The following COL25A1 variants were observed in gnomAD, a reference collection of about 807,000 sequenced individuals.
COL25A1 encodes collagen type XXV alpha 1 chain, also known as collagen alpha-1(XXV) chain.
A neutral mutation model predicts 128.4 loss-of-function variants in COL25A1; 103 were observed. That is an observed-to-expected ratio of 0.80 (90% CI 0.68 to 0.94). COL25A1 has a LOEUF of 0.94. COL25A1 is among the 40% of genes least tolerant of loss of function. The pLI is 0.00. For synonymous variants in COL25A1, 279 were observed against 277.2 expected (o/e 1.01, Z -0.06); for missense variants, 745 against 840.0 (o/e 0.89, Z 1.40).
At chr4:108,870,313 A>G (rs1176934848) in intron 19 of COL25A1, among the ~76,000 whole-genome samples, 1 of 152,132 alleles carries the variant, frequency 6.6e-6, no homozygotes, top group Non-Finnish European at 1.5e-5. Flanking sequence ...CACAGAAGTC[A>G]ATTTTTTTAA....
intron 3 of COL25A1, among the ~76,000 whole-genome samples, chr4:109,061,383 T>C (rs929691608): frequency 1.3e-5 from 2 of 152,232 alleles, no homozygotes; most frequent in Admixed American, 6.5e-5. Flanking sequence ...TAAGTAAAAG[T>C]ACAAAATTCT....
At chr4:109,221,723 T>C (rs1778424905) in intron 3 of COL25A1, among the ~76,000 whole-genome samples, 1 of 152,218 alleles carries the variant, frequency 6.6e-6, no homozygotes, top group South Asian at 2.1e-4. Flanking sequence ...TTCTGTGTTA[T>C]GGGCTCTTAA....
In COL25A1 at chr4:108,840,242, C is replaced by CAAA. The variant is rs34039825; in HGVS notation, c.1656+1450_1656+1452dup. ...GGGAAACAAGAGCGAAACGCCATCT[C>CAAA]AAAAAAAAAAAAAAAAAAAATCCAT... On this transcript the variant is annotated intron_variant, in intron 31 of 37. Transcript: ENST00000399132. 4.3e-3 allele frequency among the ~76,000 whole-genome samples: 407 copies of CAAA among 95,292 alleles called. 4 individuals carry two copies. Among genetic ancestry groups the CAAA allele is most frequent in the African/African-American group, 0.012 (276 of 23,428 alleles). The allele number at this position is 95,292 out of a possible 152,430, so 62.5% of individuals were successfully genotyped here.
Position 108,812,205 on chromosome 4 carries a change from A to G in COL25A1, c.*1722T>C, listed in dbSNP as rs1364660068. The stretch of plus-strand genomic sequence containing the variant: ...AAGTTTGAGCAAGTAGATGAAAAAT[A>G]TTTTCTTTATGGCAACTATATTTCA... On this transcript the variant is annotated 3_prime_UTR_variant, in exon 38 of 38. Transcript: ENST00000399132. 1 of 152,108 alleles carries G rather than the reference A, an allele frequency of 6.6e-6. No homozygotes were observed. Among genetic ancestry groups the G allele is most frequent in the Non-Finnish European group, 1.5e-5 (1 of 68,018 alleles). The allele number at this position is 152,108 out of a possible 1,614,324, so 9.4% of individuals were successfully genotyped here. A position where few individuals can be genotyped will look rare whatever the true frequency, so the allele number is the denominator to read the frequency against.
intron 14 of COL25A1, 49 bp from the exon 15 acceptor site, chr4:108,899,229 AT>A: frequency 6.6e-7 from 1 of 1,517,912 alleles, no homozygotes. Context: ...AAAACACCTA[AT>A]TTTATTATCA....
chr4:109,064,532 T>A (rs1407821492), intron 3 of COL25A1, among the ~76,000 whole-genome samples: 3 of 152,176 alleles, frequency 2.0e-5, no homozygotes, highest in Non-Finnish European at 4.4e-5. Flanking sequence ...ATCTGTGAAA[T>A]CCATTCCAAT....
rs1734857416 is a variant in COL25A1 at position 108,844,552 on chromosome 4, G to A, written c.1596C>T (p.Gly532=). 3 of 1,613,422 alleles carry A rather than the reference G, an allele frequency of 1.9e-6. No homozygotes were observed. The highest frequency in any genetic ancestry group is 1.7e-5 in the Admixed American group (1 of 59,902). The change falls in exon 30 of 38, where the codon GGC becomes GGT. Residue 532 remains glycine, a synonymous_variant. Coordinates refer to ENST00000399132, the MANE Select transcript of COL25A1 (RefSeq NM_198721.4). Reference sequence around the variant, plus strand: ...CAGGTGGGCCATGGGGACCTGGTGGGCCTGGTGGGCCTATGATCTGTATGT... The same window carrying A: ...CAGGTGGGCCATGGGGACCTGGTGGACCTGGTGGGCCTATGATCTGTATGT... ...PQGPSIIGPP[G]PPGPHGPPGP...
At chr4:108,941,066 C>A (rs1181198118) in intron 9 of COL25A1, among the ~76,000 whole-genome samples, 1 of 152,058 alleles carries the variant, frequency 6.6e-6, no homozygotes, top group African/African-American at 2.4e-5. Flanking sequence ...ATCATATTGC[C>A]TAATAATTTA....
intron 6 of COL25A1, among the ~76,000 whole-genome samples, chr4:108,990,226 AAAAAAAAAAAAAAATAT>A (rs1352835424): frequency 5.7e-5 from 4 of 70,518 alleles, no homozygotes; most frequent in East Asian, 1.1e-3. Flanking sequence ...AAAAAAAAAA[AAAAAAAAAAAAAAATAT>A]ATATATATAT....
chr4:109,058,899 A>G (rs1246358778), intron 3 of COL25A1, among the ~76,000 whole-genome samples: 1 of 152,236 alleles, frequency 6.6e-6, no homozygotes, highest in African/African-American at 2.4e-5. Context: ...AGTGATGGAA[A>G]ATGAATAAAC....
At chr4:109,061,260 T>TC (rs2125965252) in intron 3 of COL25A1, among the ~76,000 whole-genome samples, 1 of 152,318 alleles carries the variant, frequency 6.6e-6, no homozygotes. Flanking sequence ...GGCTCATTTT[T>TC]CTCCTCTAGT....
At chr4:109,173,192 C>A (rs1051402504) in intron 3 of COL25A1, among the ~76,000 whole-genome samples, 12 of 151,964 alleles carry the variant, frequency 7.9e-5, no homozygotes, top group Non-Finnish European at 4.4e-5. Context: ...CTCACGTGAT[C>A]CTCCCCTTTC....
At chr4:108,845,856 A>C (rs1432159643) in intron 28 of COL25A1, among the ~76,000 whole-genome samples, 1 of 152,148 alleles carries the variant, frequency 6.6e-6, no homozygotes, top group Non-Finnish European at 1.5e-5. Flanking sequence ...CATCTTATGC[A>C]TACTAAATTA....
intron 20 of COL25A1, among the ~76,000 whole-genome samples, chr4:108,868,567 AAGAG>A (rs749346428): frequency 6.7e-6 from 1 of 150,186 alleles, no homozygotes; most frequent in African/African-American, 2.5e-5. Flanking sequence ...AAGAAAGAGA[AAGAG>A]AGAGAGAAAG....
chr4:109,127,155 A>G (rs939381771), intron 3 of COL25A1, among the ~76,000 whole-genome samples: 4 of 152,216 alleles, frequency 2.6e-5, no homozygotes, highest in Non-Finnish European at 4.4e-5. Context: ...CTGGCACAGT[A>G]TATTATTTCT....
chr4:109,036,125 C>T (rs1434761612), intron 5 of COL25A1, among the ~76,000 whole-genome samples: 1 of 151,946 alleles, frequency 6.6e-6, no homozygotes, highest in African/African-American at 2.4e-5. Context: ...GACAGGGTTT[C>T]ACTGTGCTAG....
chr4:109,038,489 T>C (rs972790519), intron 5 of COL25A1, among the ~76,000 whole-genome samples: 1 of 152,162 alleles, frequency 6.6e-6, no homozygotes, highest in Non-Finnish European at 1.5e-5. Flanking sequence ...TCTGTTTCTC[T>C]GGAGCACCCT....
intron 19 of COL25A1, among the ~76,000 whole-genome samples, chr4:108,878,237 A>T (rs998839854): frequency 6.6e-6 from 1 of 152,136 alleles, no homozygotes; most frequent in Non-Finnish European, 1.5e-5. Flanking sequence ...ATTACTTTTT[A>T]ACCCCTCTAA....
intron 5 of COL25A1, among the ~76,000 whole-genome samples, chr4:109,010,969 T>C (rs1756527932): frequency 6.6e-6 from 1 of 152,238 alleles, no homozygotes; most frequent in Non-Finnish European, 1.5e-5. Context: ...GGATCATGCA[T>C]CCTAACTCTT....
Sources: gnomAD v4.1 joint callset for allele counts (sites outside exome capture counted in the v4.1 genomes callset) on GRCh38, gnomAD v4.1.1 for gene constraint, MANE v1.5 for transcripts, NCBI Gene and HGNC (gene_info 2026-07-23, HGNC 2026-07-21) for gene names.